Variants in CSMD1 observed in about 807,000 individuals in gnomAD.
The protein encoded by CSMD1 is CUB and sushi domain-containing protein 1.
In CSMD1, 213 loss-of-function variants were observed where a neutral mutation model predicts 417.5. The observed-to-expected ratio is 0.51, with a 90% CI of 0.46 to 0.57. The LOEUF is 0.57. Among genes scored for constraint, CSMD1 ranks in the 20% least tolerant of loss-of-function variants. The pLI is 0.00. For missense variants in CSMD1, 6,923 were observed against 4,529.7 expected (o/e 1.53, Z -15.17); for synonymous variants, 2,862 against 1,736.8 (o/e 1.65, Z -16.11).
intron 26 of CSMD1, among the ~76,000 whole-genome samples, chr8:3,236,678 T>A (rs890819920): frequency 1.3e-5 from 2 of 152,218 alleles, no homozygotes; most frequent in Admixed American, 6.5e-5. Context: ...CTGTCATTCC[T>A]CTTCCAGGGC....
At chr8:4,263,626 G>T (rs537662237) in intron 3 of CSMD1, among the ~76,000 whole-genome samples, 1 of 152,038 alleles carries the variant, frequency 6.6e-6, no homozygotes, top group African/African-American at 2.4e-5. Context: ...TGTCAAATAG[G>T]AAACCATATC....
chr8:4,055,313 C>T (rs769403947), intron 3 of CSMD1, among the ~76,000 whole-genome samples: 45 of 151,992 alleles, frequency 3.0e-4, no homozygotes, highest in Admixed American at 7.2e-4. Flanking sequence ...CCAATGTCTC[C>T]TTCTCTAATA....
At position 4,307,266 on chromosome 8, in the gene CSMD1, G is replaced by A. The variant is rs1186626265; in HGVS notation, c.415+112687C>T. ...AACATATGCTAATCATGCACAGAGG[G>A]CTGTTGATATCTCTCACATATATAT... On this transcript the variant is annotated intron_variant, in intron 3 of 69. Coordinates refer to ENST00000635120, the MANE Select transcript of CSMD1 (RefSeq NM_033225.6). Among the ~76,000 whole-genome samples, 3 of 152,066 alleles carry A rather than the reference G, an allele frequency of 2.0e-5. No individual in the cohort carries two copies. In the South Asian group the frequency reaches 6.2e-4, roughly 31 times the overall value.
At chr8:4,213,168 G>T (rs1206500687) in intron 3 of CSMD1, among the ~76,000 whole-genome samples, 1 of 152,134 alleles carries the variant, frequency 6.6e-6, no homozygotes, top group Admixed American at 6.5e-5. Flanking sequence ...TAAACCAAAT[G>T]GGGAGAGACA....
At chr8:2,964,004 C>T (rs1283355419) in intron 59 of CSMD1, among the ~76,000 whole-genome samples, 4 of 152,142 alleles carry the variant, frequency 2.6e-5, no homozygotes, top group Middle Eastern at 3.4e-3. Flanking sequence ...AGGATTTCCC[C>T]GAGGGTGATG....
chr8:3,462,572 C>T (rs1585201283), intron 12 of CSMD1, among the ~76,000 whole-genome samples: 1 of 152,196 alleles, frequency 6.6e-6, no homozygotes, highest in Non-Finnish European at 1.5e-5. Context: ...TCCCATCACC[C>T]AGATGGGACT....
intron 6 of CSMD1, among the ~76,000 whole-genome samples, chr8:3,752,708 A>G (rs1249650560): frequency 7.2e-6 from 1 of 139,494 alleles, no homozygotes; most frequent in Non-Finnish European, 1.6e-5. Flanking sequence ...AAAAAAACAT[A>G]TTTTGTTGAA....
In CSMD1 at chr8:3,284,127, C is replaced by T. The variant is rs369837210; in HGVS notation, c.4153+17G>A. ...CTTTGATATCAAGGTAAAGAAGAAG[C>T]ACGCTGTGCCACCTACTGGAGAACT... is the stretch of plus-strand genomic sequence containing the variant. On this transcript the variant is annotated intron_variant, in intron 26 of 69. Coordinates refer to ENST00000635120, the MANE Select transcript of CSMD1 (RefSeq NM_033225.6). The T allele has an allele frequency of 5.6e-5, 86 of 1,545,790 alleles. 1 individual carries two copies. The South Asian group carries it at 9.5e-4, about 17-fold the overall frequency.
intron 3 of CSMD1, among the ~76,000 whole-genome samples, chr8:4,378,408 C>CA (rs1175668680): frequency 6.6e-6 from 1 of 152,220 alleles, no homozygotes; most frequent in Non-Finnish European, 1.5e-5. Flanking sequence ...TGGCTTAAAA[C>CA]AGAAGAGCAT....
At chr8:4,206,594 A>G (rs1799995955) in intron 3 of CSMD1, among the ~76,000 whole-genome samples, 1 of 152,196 alleles carries the variant, frequency 6.6e-6, no homozygotes, top group Non-Finnish European at 1.5e-5. Flanking sequence ...ATTGATGGAC[A>G]TCTGGGTTGG....
At chr8:4,898,503 C>T (rs547599730) in intron 1 of CSMD1, among the ~76,000 whole-genome samples, 11 of 152,288 alleles carry the variant, frequency 7.2e-5, no homozygotes, top group African/African-American at 2.2e-4. Flanking sequence ...TGCTCACTCC[C>T]ATTACAGAAG....
chr8:4,293,851 T>C (rs1797516697), intron 3 of CSMD1, among the ~76,000 whole-genome samples: 1 of 152,238 alleles, frequency 6.6e-6, no homozygotes, highest in African/African-American at 2.4e-5. Context: ...AAAGCTGTTC[T>C]ACTAGTTTTT....
At chr8:4,134,663 T>A (rs2680595) in intron 3 of CSMD1, among the ~76,000 whole-genome samples, 1 of 152,082 alleles carries the variant, frequency 6.6e-6, no homozygotes, top group East Asian at 1.9e-4. Flanking sequence ...CTAGAATCAT[T>A]CAAATTTTCC....
rs199728701 is a variant in CSMD1 at position 3,759,740 on chromosome 8, C to G, written c.819-5698G>C. On this transcript the variant is annotated intron_variant, in intron 5 of 69. Coordinates refer to ENST00000635120, the MANE Select transcript of CSMD1 (RefSeq NM_033225.6). ...GAAACACCACCTCTACTAAAAATAC[C>G]AAAAAAAAAAAAAAAAAATTAGCCA... Among the ~76,000 whole-genome samples, 843 of 116,478 alleles carry G rather than the reference C, an allele frequency of 7.2e-3. 34 individuals carry two copies. The East Asian group carries it at 0.12, about 16-fold the overall frequency. The allele number at this position is 116,478 out of a possible 152,430, so 76.4% of individuals were successfully genotyped here.
intron 5 of CSMD1, among the ~76,000 whole-genome samples, chr8:3,992,769 A>T (rs1038433568): frequency 2.0e-5 from 3 of 152,244 alleles, no homozygotes; most frequent in African/African-American, 7.2e-5. Context: ...TGACAGAAGG[A>T]GACCCAGTAC....
At chr8:3,780,201 A>G (rs73658259) in intron 5 of CSMD1, among the ~76,000 whole-genome samples, 2 of 152,130 alleles carry the variant, frequency 1.3e-5, no homozygotes, top group Non-Finnish European at 2.9e-5. Flanking sequence ...AGCATCCTTT[A>G]TCTCCCTCTG....
intron 5 of CSMD1, among the ~76,000 whole-genome samples, chr8:3,828,084 A>T (rs750191270): frequency 6.6e-6 from 1 of 152,204 alleles, no homozygotes; most frequent in Non-Finnish European, 1.5e-5. Context: ...CACAGAGCTT[A>T]ATTACATCCT....
chr8:3,755,791 T>C (rs1468945557), intron 5 of CSMD1, among the ~76,000 whole-genome samples: 1 of 152,166 alleles, frequency 6.6e-6, no homozygotes, highest in Non-Finnish European at 1.5e-5. Context: ...ACAGTGTTTA[T>C]GCCACTGTTT....
intron 7 of CSMD1, among the ~76,000 whole-genome samples, chr8:3,663,214 A>T (rs906460882): frequency 6.6e-6 from 1 of 152,140 alleles, no homozygotes; most frequent in South Asian, 2.1e-4. Context: ...CAACAAAGAT[A>T]TTTTTAAACA....
Sources: gnomAD v4.1 joint callset for allele counts (sites outside exome capture counted in the v4.1 genomes callset) on GRCh38, gnomAD v4.1.1 for gene constraint, MANE v1.5 for transcripts, NCBI Gene and HGNC (gene_info 2026-07-23, HGNC 2026-07-21) for gene names.